USP49: variants seen among roughly 807,000 people sequenced by gnomAD.
USP49 encodes ubiquitin carboxyl-terminal hydrolase 49.
A neutral mutation model predicts 58.6 loss-of-function variants in USP49; 24 were observed. The ratio of observed to expected loss-of-function variants is 0.41; its 90% CI spans 0.30 to 0.58. USP49 has a LOEUF of 0.58. USP49 is among the 20% of genes least tolerant of loss of function. USP49 has a pLI of 0.30. For synonymous variants in USP49, 408 were observed against 365.1 expected (o/e 1.12, Z -1.34); for missense variants, 703 against 866.1 (o/e 0.81, Z 2.36).
chr6:41,885,442 A>AC (rs1448408638), intron 2 of USP49, among the ~76,000 whole-genome samples: 1 of 152,212 alleles, frequency 6.6e-6, no homozygotes, highest in East Asian at 1.9e-4. Flanking sequence ...CTGTAGTAGG[A>AC]CAACAGCTGC....
chr6:41,871,268 T>G (rs867125234), intron 3 of USP49, among the ~76,000 whole-genome samples: 14 of 152,166 alleles, frequency 9.2e-5, no homozygotes, highest in Admixed American at 2.0e-4. Context: ...AGATACGATC[T>G]CTATCTTACC....
chr6:41,869,432 TG>T (rs769026134), intron 3 of USP49, among the ~76,000 whole-genome samples: 1 of 151,934 alleles, frequency 6.6e-6, no homozygotes, highest in Non-Finnish European at 1.5e-5. Flanking sequence ...TACTTCAAGC[TG>T]GGTGCAGTGG....
At chr6:41,877,285 G>A (rs1774519264) in intron 2 of USP49, among the ~76,000 whole-genome samples, 1 of 152,112 alleles carries the variant, frequency 6.6e-6, no homozygotes, top group African/African-American at 2.4e-5. Flanking sequence ...TTTTGACTAC[G>A]ATTCAGAATA....
intron 1 of USP49, chr6:41,894,290 C>G (rs937754102): frequency 2.0e-5 from 3 of 152,452 alleles, no homozygotes; most frequent in African/African-American, 7.2e-5. Context: ...ATGGCCATCA[C>G]TTCTTACACC....
intron 3 of USP49, among the ~76,000 whole-genome samples, chr6:41,841,099 A>T (rs1285272875): frequency 6.6e-6 from 1 of 152,008 alleles, no homozygotes; most frequent in East Asian, 1.9e-4. Context: ...TATTTCCCAT[A>T]GGCCCCATAG....
chr6:41,849,589 C>G (rs1035992839), intron 3 of USP49, among the ~76,000 whole-genome samples: 1 of 151,908 alleles, frequency 6.6e-6, no homozygotes, highest in Admixed American at 6.6e-5. Flanking sequence ...TAAAATCACA[C>G]AAAGTATCTT....
chr6:41,886,714 T>C (rs1240115820), intron 2 of USP49, among the ~76,000 whole-genome samples: 1 of 152,158 alleles, frequency 6.6e-6, no homozygotes, highest in East Asian at 1.9e-4. Context: ...CTGGCCAACA[T>C]GGCGAAACCC....
chr6:41,809,783 C>G (rs777799521), intron 3 of USP49, among the ~76,000 whole-genome samples: 1 of 151,462 alleles, frequency 6.6e-6, no homozygotes, highest in African/African-American at 2.4e-5. Context: ...GCCGAGATTG[C>G]GCCACGGCAC....
chr6:41,869,097 T>A (rs1337761915), intron 3 of USP49, among the ~76,000 whole-genome samples: 3 of 150,552 alleles, frequency 2.0e-5, no homozygotes, highest in Non-Finnish European at 4.4e-5. Context: ...TTTTTTTTTT[T>A]AATTTTAACA....
chr6:41,798,701 C>A (rs918633554), intron 7 of USP49, 23 bp downstream of exon 7: 1 of 1,613,860 alleles, frequency 6.2e-7, no homozygotes, highest in Admixed American at 1.7e-5. Context: ...TGTCCCCCAC[C>A]CCACAGAGTA....
At chr6:41,859,397 G>C (rs986515248) in intron 3 of USP49, among the ~76,000 whole-genome samples, 35 of 152,006 alleles carry the variant, frequency 2.3e-4, no homozygotes, top group African/African-American at 8.2e-4. Flanking sequence ...ATCACATCTT[G>C]GTATAGTCAC....
intron 5 of USP49, 91 bp from the exon 6 acceptor site, chr6:41,800,029 TC>T: frequency 1.8e-6 from 2 of 1,139,136 alleles, no homozygotes; most frequent in Non-Finnish European, 2.6e-6. Context: ...ATATGCATTC[TC>T]CATATTTCTC....
At chr6:41,835,124 A>G (rs1482989660) in intron 3 of USP49, among the ~76,000 whole-genome samples, 1 of 152,230 alleles carries the variant, frequency 6.6e-6, no homozygotes, top group Non-Finnish European at 1.5e-5. Context: ...GTTAGAGAAC[A>G]CAGCTTGCTT....
intron 3 of USP49, among the ~76,000 whole-genome samples, chr6:41,838,774 T>A (rs1773769716): frequency 6.6e-6 from 1 of 152,168 alleles, no homozygotes; most frequent in African/African-American, 2.4e-5. Flanking sequence ...CACTGCAGAA[T>A]ATACATTCTT....
In USP49 at chr6:41,792,973, C is replaced by T. The variant is rs1348891824; in HGVS notation, c.*3560G>A. ...CCTCCCACCCACCACCCGCCATCCC[C>T]GACCAAGTTTTCATTCTGCACTACT... On this transcript the variant is annotated 3_prime_UTR_variant, in exon 8 of 8. Transcript: ENST00000682992. 3 of 150,916 alleles carry T rather than the reference C, an allele frequency of 2.0e-5. No homozygotes were observed. In the East Asian group the frequency reaches 5.9e-4, roughly 30 times the overall value. The allele number at this position is 150,916 out of a possible 1,614,324, so 9.3% of individuals were successfully genotyped here. A position where few individuals can be genotyped will look rare whatever the true frequency, so the allele number is the denominator to read the frequency against.
intron 7 of USP49, 33 bp from the exon 8 acceptor site, chr6:41,796,756 G>C: frequency 1.4e-6 from 1 of 712,694 alleles, no homozygotes; most frequent in Non-Finnish European, 2.6e-6. Flanking sequence ...GAGAGAAAAT[G>C]ACTACCCAAT....
Position 41,834,329 on chromosome 6 carries a change from G to A in USP49, c.-28-27318C>T, listed in dbSNP as rs192734604. Among the ~76,000 whole-genome samples the A allele has an allele frequency of 2.5e-3, 380 of 152,254 alleles. 3 individuals are homozygous for A. The highest frequency in any genetic ancestry group is 8.7e-3 in the African/African-American group (360 of 41,560). ...AAACAATGATTATACAATAATAACA[G>A]CAATAAAAATTAGTAAAGAACATCA... On this transcript the variant is annotated intron_variant, in intron 3 of 7. Coordinates refer to ENST00000682992, the MANE Select transcript of USP49 (RefSeq NM_001286554.2).
intron 5 of USP49, among the ~76,000 whole-genome samples, chr6:41,801,825 T>C (rs748949061): frequency 3.2e-4 from 49 of 152,228 alleles, no homozygotes; most frequent in Non-Finnish European, 8.8e-5. Flanking sequence ...CCCCTCACCA[T>C]AGGTTTCCTT....
chr6:41,810,477 G>A lies in USP49; in HGVS notation c.-28-3466C>T, dbSNP rs1049113881. ...GCACTCCAGCCTGGGGGACAAGAGC[G>A]AGACTTCGTCTCCAAAAAATAAAAA... On this transcript the variant is annotated intron_variant, in intron 3 of 7. Transcript: ENST00000682992. Among the ~76,000 whole-genome samples, 100 of 150,968 alleles carry A rather than the reference G, an allele frequency of 6.6e-4. 1 individual carries two copies. The highest frequency in any genetic ancestry group is 2.2e-3 in the African/African-American group (91 of 41,444).
Sources: allele counts gnomAD v4.1 joint callset (sites outside exome capture counted in the v4.1 genomes callset), GRCh38; gene constraint gnomAD v4.1.1; transcripts MANE v1.5; gene names NCBI Gene and HGNC (gene_info 2026-07-23, HGNC 2026-07-21).